The following PDZRN4 variants were observed in gnomAD, a reference collection of about 807,000 sequenced individuals.
PDZRN4 encodes the protein PDZ domain-containing RING finger protein 4.
A neutral mutation model predicts 99.0 loss-of-function variants in PDZRN4; 70 were observed. The observed-to-expected ratio is 0.71, with a 90% CI of 0.58 to 0.86. The LOEUF (loss-of-function observed/expected upper bound fraction) is 0.86, where lower values mean the gene tolerates loss of function less well. PDZRN4 is among the 40% of genes least tolerant of loss of function. PDZRN4 has a pLI of 0.00. For synonymous variants in PDZRN4, 551 were observed against 501.6 expected (o/e 1.10, Z -1.32); for missense variants, 1,474 against 1,331.2 (o/e 1.11, Z -1.67).
intron 7 of PDZRN4, among the ~76,000 whole-genome samples, chr12:41,560,230 T>C (rs1939246895): frequency 6.6e-6 from 1 of 152,176 alleles, no homozygotes; most frequent in Admixed American, 6.5e-5. Context: ...AGATTCTTGA[T>C]GGTTGGATGT....
chr12:41,404,590 A>G (rs1952329494), intron 3 of PDZRN4, among the ~76,000 whole-genome samples: 1 of 152,162 alleles, frequency 6.6e-6, no homozygotes, highest in South Asian at 2.1e-4. Context: ...GCCCAGAGCC[A>G]TTTACAGATC....
In PDZRN4 at chr12:41,289,907, A is replaced by C. The variant is rs149583994; in HGVS notation, c.843+95719A>C. On this transcript the variant is annotated intron_variant, in intron 3 of 9. Transcript: ENST00000402685. The stretch of plus-strand genomic sequence containing the variant: ...CCATTTGCTTTGTGAGTGTACCCTA[A>C]AGAAGAAAGTGGAATTCTGACTGCA... 7.8e-4 allele frequency among the ~76,000 whole-genome samples: 119 copies of C among 152,338 alleles called. 3 individuals are homozygous for C. The highest frequency in any genetic ancestry group is 2.8e-3 in the African/African-American group (115 of 41,584).
At chr12:41,285,753 A>G (rs938530760) in intron 3 of PDZRN4, among the ~76,000 whole-genome samples, 3 of 152,132 alleles carry the variant, frequency 2.0e-5, no homozygotes, top group African/African-American at 7.2e-5. Context: ...ACACAAGAAC[A>G]GAAAACCAAA....
At chr12:41,383,085 A>G (rs1344736805) in intron 3 of PDZRN4, among the ~76,000 whole-genome samples, 1 of 152,212 alleles carries the variant, frequency 6.6e-6, no homozygotes, top group Non-Finnish European at 1.5e-5. Flanking sequence ...ATTGAGCCTC[A>G]GATATGACTG....
chr12:41,558,185 G>A (rs548914483), intron 7 of PDZRN4, among the ~76,000 whole-genome samples: 3 of 152,134 alleles, frequency 2.0e-5, no homozygotes, highest in Non-Finnish European at 4.4e-5. Context: ...TGAAAATAAT[G>A]TAATCTTTTG....
chr12:41,535,198 T>C (rs184035253), intron 5 of PDZRN4, among the ~76,000 whole-genome samples: 27 of 152,358 alleles, frequency 1.8e-4, no homozygotes, highest in African/African-American at 6.3e-4. Flanking sequence ...TTTGCAATTA[T>C]GCAACTACTT....
At chr12:41,206,106 T>A (rs1407312436) in intron 3 of PDZRN4, among the ~76,000 whole-genome samples, 4 of 152,004 alleles carry the variant, frequency 2.6e-5, no homozygotes, top group Non-Finnish European at 5.9e-5. Flanking sequence ...TTCAATGGAA[T>A]GGTCAGTTCT....
In PDZRN4 at chr12:41,405,578, C is replaced by G. The variant is rs146583780; in HGVS notation, c.844-100878C>G. Reference sequence around the variant, plus strand: ...ACTGAAAACAGAGCTACCATTTGACCCAGAAATTTCATTACTGGGTATATA... The same window carrying G: ...ACTGAAAACAGAGCTACCATTTGACGCAGAAATTTCATTACTGGGTATATA... On this transcript the variant is annotated intron_variant, in intron 3 of 9. Transcript: ENST00000402685. 2.5e-4 allele frequency among the ~76,000 whole-genome samples: 38 copies of G among 152,108 alleles called. No individual in the cohort carries two copies. In the East Asian group the frequency reaches 7.3e-3, roughly 29 times the overall value.
At chr12:41,323,154 G>T (rs1345421800) in intron 3 of PDZRN4, among the ~76,000 whole-genome samples, 6 of 152,142 alleles carry the variant, frequency 3.9e-5, no homozygotes, top group Non-Finnish European at 8.8e-5. Context: ...GCAGGATAAA[G>T]TTCTCTGCTT....
chr12:41,211,093 C>G (rs1451802908), intron 3 of PDZRN4, among the ~76,000 whole-genome samples: 1 of 151,930 alleles, frequency 6.6e-6, no homozygotes, highest in African/African-American at 2.4e-5. Flanking sequence ...GTTTCACGCC[C>G]TCAGGAAAAT....
chr12:41,388,703 C>T (rs942203924), intron 3 of PDZRN4, among the ~76,000 whole-genome samples: 4 of 152,056 alleles, frequency 2.6e-5, no homozygotes, highest in African/African-American at 9.7e-5. Context: ...AAGACAGATT[C>T]AGGATTGGAT....
At chr12:41,551,263 A>C (rs981640682) in intron 5 of PDZRN4, among the ~76,000 whole-genome samples, 3 of 152,064 alleles carry the variant, frequency 2.0e-5, no homozygotes, top group Non-Finnish European at 4.4e-5. Flanking sequence ...TAAGGGCACT[A>C]ATCTTTTTCA....
chr12:41,267,117 C>A (rs1591990844), intron 3 of PDZRN4, among the ~76,000 whole-genome samples: 2 of 152,288 alleles, frequency 1.3e-5, no homozygotes, highest in East Asian at 3.9e-4. Context: ...TCTGTGGACT[C>A]TCCAAGATAA....
At chr12:41,367,115 C>A (rs1361833537) in intron 3 of PDZRN4, among the ~76,000 whole-genome samples, 1 of 152,080 alleles carries the variant, frequency 6.6e-6, no homozygotes, top group South Asian at 2.1e-4. Flanking sequence ...TGTGCAACAC[C>A]TTTGTGCCTT....
intron 5 of PDZRN4, among the ~76,000 whole-genome samples, chr12:41,512,951 A>T (rs1375719212): frequency 6.6e-6 from 1 of 152,126 alleles, no homozygotes; most frequent in South Asian, 2.1e-4. Flanking sequence ...CTTTAAAAGA[A>T]ATAGCTTCTA....
At chr12:41,336,126 T>G (rs1487907629) in intron 3 of PDZRN4, among the ~76,000 whole-genome samples, 1 of 152,142 alleles carries the variant, frequency 6.6e-6, no homozygotes, top group Non-Finnish European at 1.5e-5. Flanking sequence ...ACACAATCCA[T>G]TATCCTTACT....
intron 3 of PDZRN4, among the ~76,000 whole-genome samples, chr12:41,359,556 C>T (rs559632475): frequency 1.2e-4 from 18 of 151,938 alleles, no homozygotes; most frequent in East Asian, 1.9e-4. Context: ...AATCATGGGG[C>T]GGGGGGTTCT....
chr12:41,381,635 G>A (rs1952127495), intron 3 of PDZRN4, among the ~76,000 whole-genome samples: 2 of 151,948 alleles, frequency 1.3e-5, no homozygotes, highest in African/African-American at 4.8e-5. Flanking sequence ...TTCATTTATT[G>A]TTTTTCTAAT....
At chr12:41,382,336 G>C (rs1249789874) in intron 3 of PDZRN4, among the ~76,000 whole-genome samples, 1 of 152,166 alleles carries the variant, frequency 6.6e-6, no homozygotes. Flanking sequence ...CTGTGTTTGG[G>C]TATGGTCACT....
Sources: gnomAD v4.1 joint callset for allele counts (sites outside exome capture counted in the v4.1 genomes callset) on GRCh38, gnomAD v4.1.1 for gene constraint, MANE v1.5 for transcripts, NCBI Gene and HGNC (gene_info 2026-07-23, HGNC 2026-07-21) for gene names.